The following ZNF26 variants were observed in gnomAD, a reference collection of about 807,000 sequenced individuals.
ZNF26 encodes epididymis luminal protein 179.
ZNF26 carries 32 observed loss-of-function variants against 54.9 expected under a neutral mutation model. The ratio of observed to expected loss-of-function variants is 0.58; its 90% CI spans 0.44 to 0.78. The LOEUF (loss-of-function observed/expected upper bound fraction) is 0.78, where lower values mean the gene tolerates loss of function less well. ZNF26 is among the 30% of genes least tolerant of loss of function. The pLI, the probability that ZNF26 is intolerant of heterozygous loss-of-function variation, is 0.00. For missense variants in ZNF26, 524 were observed against 634.0 expected, an observed-to-expected ratio of 0.83 and a Z score of 1.86; for synonymous variants, 221 against 209.2, an observed-to-expected ratio of 1.06 and a Z score of -0.49.
rs1248491129 is a variant in ZNF26 at position 133,010,736 on chromosome 12, A to T, written c.857A>T (p.Tyr286Phe). 1 of 1,613,392 alleles carries T rather than the reference A, an allele frequency of 6.2e-7. No individual in the cohort carries two copies. ...AGAAGTCACACAGGAGTGAAACCGT[A>T]TGAATGCAGCGAATGTGGGAAAGCC... ...HQRSHTGVKP[Y>F]ECSECGKAFS... The change falls in exon 4 of 4, where the codon TAT becomes TTT. Residue 286 changes from tyrosine to phenylalanine, a missense_variant. By Grantham distance (22) the Tyr-to-Phe change is conservative (BLOSUM62 3). Transcript: ENST00000328654.
intron 1 of ZNF26, among the ~76,000 whole-genome samples, chr12:132,992,094 G>A (rs1487176364): frequency 6.6e-6 from 1 of 151,878 alleles, no homozygotes; most frequent in East Asian, 1.9e-4. Context: ...GTTGCAGTGA[G>A]CCAAGATCAT....
Position 133,011,048 on chromosome 12 carries a change from G to C in ZNF26, c.1169G>C (p.Arg390Thr). 1 of 1,614,124 alleles carries C rather than the reference G, an allele frequency of 6.2e-7. No individual in the cohort carries two copies. The highest frequency in any genetic ancestry group is 8.5e-7 in the Non-Finnish European group (1 of 1,180,018). The change falls in exon 4 of 4, where the codon AGA (arginine) becomes ACA (threonine). Residue 390 changes from arginine to threonine, a missense_variant. Physicochemically the swap from Arg to Thr is moderately conservative, Grantham distance 71. Transcript: ENST00000328654. ...GRKEQLTAHLRAHAGEKPYGC... is the reference protein window; with the variant it reads ...GRKEQLTAHLTAHAGEKPYGC... ...AAGGAACAGCTCACTGCACATCTGAGAGCTCATGCAGGAGAGAAGCCCTAT... is the reference window on the plus strand; with the variant it reads ...AAGGAACAGCTCACTGCACATCTGACAGCTCATGCAGGAGAGAAGCCCTAT...
intron 1 of ZNF26, among the ~76,000 whole-genome samples, chr12:133,000,645 C>T (rs1230871705): frequency 6.6e-6 from 1 of 151,932 alleles, no homozygotes; most frequent in Non-Finnish European, 1.5e-5. Flanking sequence ...AGGATGGTCT[C>T]GATCTCCTGA....
chr12:133,004,063 A>T (rs1953275328), intron 1 of ZNF26, among the ~76,000 whole-genome samples: 1 of 152,072 alleles, frequency 6.6e-6, no homozygotes, highest in African/African-American at 2.4e-5. Flanking sequence ...GGTGTATCTC[A>T]TAAGTTTCAA....
At position 133,006,851 on chromosome 12, in the gene ZNF26, C is replaced by T. The variant is rs878863260; in HGVS notation, c.34-191C>T. 6.0e-4 allele frequency: 392 copies of T among 654,404 alleles called. 1 individual carries two copies. The highest frequency in any genetic ancestry group is 2.2e-3 in the South Asian group (114 of 51,276). 40.5% of individuals were successfully genotyped at this position (654,404 alleles called of 1,614,324 possible). On this transcript the variant is annotated intron_variant, in intron 1 of 3. Coordinates refer to ENST00000328654, the MANE Select transcript of ZNF26 (RefSeq NM_019591.4). The stretch of plus-strand genomic sequence containing the variant: ...CTTGTGATCCACCCGCCTTGGCCTC[C>T]GAAAGTGCTGGCGTGAGCCACCGTG...
At chr12:132,996,077 C>T (rs968287633) in intron 1 of ZNF26, among the ~76,000 whole-genome samples, 8 of 152,150 alleles carry the variant, frequency 5.3e-5, no homozygotes, top group East Asian at 1.9e-4. Flanking sequence ...CCTGTGTCTT[C>T]GGGTTTCTGG....
At chr12:132,989,910 T>C (rs1413461539) in intron 1 of ZNF26, among the ~76,000 whole-genome samples, 2 of 152,228 alleles carry the variant, frequency 1.3e-5, no homozygotes, top group Non-Finnish European at 2.9e-5. Context: ...TTGGTAGATA[T>C]TCTCTATCAA....
rs1471276049 is a variant in ZNF26 at position 133,010,310 on chromosome 12, G to A, written c.431G>A (p.Ser144Asn). ...SLTQNSAPSR[S>N]YLRKNPDKFH... is the part of the protein sequence containing the mutation. The stretch of plus-strand genomic sequence containing the variant: ...ACACAAAACTCAGCTCCAAGCAGAA[G>A]TTATTTAAGAAAGAATCCTGATAAG... Residue 144 changes from serine (S) to asparagine (N), a missense_variant, in exon 4 of 4, where the codon AGT becomes AAT. By Grantham distance (46) the Ser-to-Asn change is conservative (BLOSUM62 1). Coordinates refer to ENST00000328654, the MANE Select transcript of ZNF26 (RefSeq NM_019591.4). 6.2e-7 allele frequency: 1 copy of A among 1,613,556 alleles called. No homozygotes were observed. Among genetic ancestry groups the A allele is most frequent in the Admixed American group, 1.7e-5 (1 of 59,972 alleles).
intron 1 of ZNF26, among the ~76,000 whole-genome samples, chr12:132,993,678 A>G (rs1953014372): frequency 6.6e-6 from 1 of 151,518 alleles, no homozygotes; most frequent in Non-Finnish European, 1.5e-5. Context: ...CTGATCTCGA[A>G]TTCCTGACCT....
At chr12:132,999,609 T>A (rs1348066527) in intron 1 of ZNF26, among the ~76,000 whole-genome samples, 1 of 152,182 alleles carries the variant, frequency 6.6e-6, no homozygotes, top group Non-Finnish European at 1.5e-5. Context: ...TATAATATTT[T>A]CTATAGGTTT....
Position 132,986,548 on chromosome 12 carries a change from G to A in ZNF26, c.-293G>A, listed in dbSNP as rs1484296246. ...ACCAGCTAAACACTTCCGTCGGTCC[G>A]GGGCGTGGACGGGGCCAGATCAGCC... On this transcript the variant is annotated 5_prime_UTR_variant, in exon 1 of 4. Transcript: ENST00000328654. The A allele has an allele frequency of 9.5e-6, 5 of 528,298 alleles. No individual in the cohort carries two copies. Among genetic ancestry groups the A allele is most frequent in the Non-Finnish European group, 1.7e-5 (5 of 292,754 alleles). The allele number at this position is 528,298 out of a possible 1,614,324, so 32.7% of individuals were successfully genotyped here.
At position 133,026,558 on chromosome 12, in the gene ZNF26, G is replaced by T. The variant is rs1048693895; in HGVS notation, c.*15077G>T. The stretch of plus-strand genomic sequence containing the variant: ...TTTTTTTTTTTTGATACAGAGTCTC[G>T]TTCTGTCACCCAGGCTGGAGTGCAG... On this transcript the variant is annotated 3_prime_UTR_variant, in exon 4 of 4. Coordinates refer to ENST00000328654, the MANE Select transcript of ZNF26 (RefSeq NM_019591.4). The T allele has an allele frequency of 3.3e-5, 4 of 121,538 alleles. No homozygotes were observed. Among genetic ancestry groups the T allele is most frequent in the South Asian group, 2.6e-4 (1 of 3,914 alleles). 7.5% of individuals were successfully genotyped at this position (121,538 alleles called of 1,614,324 possible).
At chr12:133,007,266 G>A in intron 2 of ZNF26, 98 bp downstream of exon 2, 1 of 1,467,714 alleles carries the variant, frequency 6.8e-7, no homozygotes, top group Non-Finnish European at 9.4e-7. Context: ...AGTGCTTAAT[G>A]ATTATGAACT....
At position 133,001,595 on chromosome 12, in the gene ZNF26, A is replaced by T. The variant is rs1271101391; in HGVS notation, c.34-5447A>T. 2.5e-6 allele frequency: 3 copies of T among 1,199,030 alleles called. No individual in the cohort carries two copies. The highest frequency in any genetic ancestry group is 3.3e-6 in the Non-Finnish European group (3 of 907,130). The allele number at this position is 1,199,030 out of a possible 1,614,324, so 74.3% of individuals were successfully genotyped here. On this transcript the variant is annotated intron_variant, in intron 1 of 3. Coordinates refer to ENST00000328654, the MANE Select transcript of ZNF26 (RefSeq NM_019591.4). The surrounding 1 kb of genome is among the most constrained non-coding windows in gnomAD (Gnocchi z 4.7). ...TGCATGCAGACTCACCCAGAAGTCC[A>T]CTCACTGCCTCTTCCCCTGGGGTCT... is the stretch of plus-strand genomic sequence containing the variant.
At position 133,011,395 on chromosome 12, in the gene ZNF26, G is replaced by A. The variant is rs998540330; in HGVS notation, c.1516G>A (p.Gly506Arg). 4 of 1,606,734 alleles carry A rather than the reference G, an allele frequency of 2.5e-6. No homozygotes were observed. Among genetic ancestry groups the A allele is most frequent in the South Asian group, 2.2e-5 (2 of 89,322 alleles). ...CAGTGAACATCAGAGAGTTCACACCGGAGAGAAACCATGGAAATGCTCTGA... is the reference window on the plus strand; with the variant it reads ...CAGTGAACATCAGAGAGTTCACACCAGAGAGAAACCATGGAAATGCTCTGA... The part of the protein sequence containing the change: ...SLSEHQRVHT[G>R]EKPWKCSECG... Residue 506 changes from glycine to arginine, a missense_variant, in exon 4 of 4, where the codon GGA becomes AGA. Transcript: ENST00000328654.
chr12:133,023,954 C>G lies in ZNF26; in HGVS notation c.*12473C>G, dbSNP rs1368547302. The G allele has an allele frequency of 1.3e-5, 2 of 152,222 alleles. No individual in the cohort carries two copies. Among genetic ancestry groups the G allele is most frequent in the Non-Finnish European group, 2.9e-5 (2 of 68,064 alleles). 9.4% of individuals were successfully genotyped at this position (152,222 alleles called of 1,614,324 possible). On this transcript the variant is annotated 3_prime_UTR_variant, in exon 4 of 4. Coordinates refer to ENST00000328654, the MANE Select transcript of ZNF26 (RefSeq NM_019591.4). ...TACATAAAGAGATGCTTGTTCAGCCCCATATGCTCCCGTTCCATGCCTTTC... is the reference window on the plus strand; with the variant it reads ...TACATAAAGAGATGCTTGTTCAGCCGCATATGCTCCCGTTCCATGCCTTTC...
chr12:133,004,820 G>A (rs1953289409), intron 1 of ZNF26: 1 of 152,168 alleles, frequency 6.6e-6, no homozygotes, highest in African/African-American at 2.4e-5. Context: ...ATTTGAAAAT[G>A]TCTTTTATTT....
chr12:133,002,068 A>G (rs1953229975), intron 1 of ZNF26, among the ~76,000 whole-genome samples: 1 of 151,896 alleles, frequency 6.6e-6, no homozygotes, highest in Non-Finnish European at 1.5e-5. Context: ...TCAGTGACTC[A>G]CTTCTGTGGA....
At chr12:133,007,307 C>T in intron 2 of ZNF26, 130 bp from the exon 3 acceptor site, 1 of 1,314,334 alleles carries the variant, frequency 7.6e-7, no homozygotes, top group Non-Finnish European at 1.1e-6. Context: ...TCCTTAGTCC[C>T]TGTTTGTCCC....
Sources: allele counts gnomAD v4.1 joint callset (sites outside exome capture counted in the v4.1 genomes callset), GRCh38; gene constraint gnomAD v4.1.1; non-coding constraint Gnocchi (gnomAD v3.1); transcripts MANE v1.5; gene names NCBI Gene and HGNC (gene_info 2026-07-23, HGNC 2026-07-21).